The following MAP4K1 variants were observed in gnomAD, a reference collection of about 807,000 sequenced individuals.
MAP4K1 encodes mitogen-activated protein kinase kinase kinase kinase 1.
Under a neutral mutation model 122.8 loss-of-function variants are expected in MAP4K1, and 35 were observed. The ratio of observed to expected loss-of-function variants is 0.29; its 90% CI spans 0.22 to 0.38. MAP4K1 has a LOEUF of 0.38. Among genes scored for constraint, MAP4K1 ranks in the 10% least tolerant of loss-of-function variants. MAP4K1 has a pLI of 1.00. For synonymous variants in MAP4K1, 412 were observed against 421.3 expected (o/e 0.98, Z 0.27); for missense variants, 791 against 1,072.6 (o/e 0.74, Z 3.67).
intron 16 of MAP4K1, 90 bp downstream of exon 16, chr19:38,607,774 T>C (rs1975372602): frequency 2.2e-6 from 3 of 1,387,218 alleles, no homozygotes; most frequent in South Asian, 2.5e-5. Context: ...TGCAGCGGGG[T>C]CAGGAGTGGA....
intron 22 of MAP4K1, among the ~76,000 whole-genome samples, chr19:38,598,179 C>T (rs1000063226): frequency 4.0e-5 from 6 of 151,122 alleles, no homozygotes; most frequent in African/African-American, 9.7e-5. Flanking sequence ...TAGAGGTATG[C>T]GCCACCATGC....
intron 19 of MAP4K1, among the ~76,000 whole-genome samples, chr19:38,603,093 TATAC>T (rs1975179585): frequency 7.0e-6 from 1 of 142,864 alleles, no homozygotes; most frequent in African/African-American, 2.6e-5. Flanking sequence ...CATGTACATA[TATAC>T]ACATGTACAT....
At chr19:38,598,784 C>T (rs1194790948) in intron 22 of MAP4K1, among the ~76,000 whole-genome samples, 2 of 151,860 alleles carry the variant, frequency 1.3e-5, no homozygotes, top group Non-Finnish European at 1.5e-5. Context: ...GGGGCTGAGA[C>T]GAGTGGATCA....
intron 29 of MAP4K1, among the ~76,000 whole-genome samples, chr19:38,593,710 A>G (rs754602222): frequency 1.3e-5 from 2 of 152,150 alleles, no homozygotes; most frequent in Non-Finnish European, 2.9e-5. Context: ...TAATTTTTGT[A>G]TTTCTACTGA....
chr19:38,590,338 C>T (rs557446528), intron 30 of MAP4K1, among the ~76,000 whole-genome samples: 13 of 100,394 alleles, frequency 1.3e-4, no homozygotes, highest in South Asian at 3.1e-4. Context: ...TATAAAGAAA[C>T]ATGGCTCCTA....
At chr19:38,607,414 G>A (rs972325133) in intron 16 of MAP4K1, among the ~76,000 whole-genome samples, 5 of 152,012 alleles carry the variant, frequency 3.3e-5, no homozygotes, top group African/African-American at 1.2e-4. Flanking sequence ...CAAAAAATTA[G>A]CTGGGCATGG....
intron 16 of MAP4K1, among the ~76,000 whole-genome samples, chr19:38,607,040 A>G (rs1411190227): frequency 6.6e-6 from 1 of 152,072 alleles, no homozygotes; most frequent in Non-Finnish European, 1.5e-5. Context: ...AAAGATAGGA[A>G]AAGCTGAGGG....
In MAP4K1 at chr19:38,617,272, AACTGAGG is replaced by A; in HGVS notation, c.248+75_248+81del. 1.1e-6 allele frequency: 1 copy of A among 909,636 alleles called. No homozygotes were observed. The allele number at this position is 909,636 out of a possible 1,614,324, so 56.3% of individuals were successfully genotyped here. The stretch of plus-strand genomic sequence containing the variant: ...AAAGAAAAAGAAAAGAAAAAAAAAG[AACTGAGG>A]GTACCCCCATCAAGAAATGGGGACT... On this transcript the variant is annotated intron_variant, in intron 3 of 30. Coordinates refer to ENST00000396857, the MANE Select transcript of MAP4K1 (RefSeq NM_001042600.3). The surrounding 1 kb of genome is among the most constrained non-coding windows in gnomAD (Gnocchi z 4.1).
chr19:38,603,244 A>G (rs1410546188), intron 19 of MAP4K1, among the ~76,000 whole-genome samples: 1 of 150,460 alleles, frequency 6.6e-6, no homozygotes. Flanking sequence ...ATATATATAC[A>G]CATGTACATA....
chr19:38,604,253 A>T (rs10445564), intron 19 of MAP4K1, among the ~76,000 whole-genome samples: 3 of 151,972 alleles, frequency 2.0e-5, no homozygotes, highest in African/African-American at 7.2e-5. Context: ...GGCATTATGC[A>T]TGTACGTAAA....
rs1974561244 is a variant in MAP4K1, at chr19:38,587,700, T to C, written c.*48A>G. 2 of 1,382,258 alleles carry C rather than the reference T, an allele frequency of 1.4e-6. No individual in the cohort carries two copies. Among genetic ancestry groups the C allele is most frequent in the Non-Finnish European group, 2.1e-6 (2 of 969,452 alleles). 85.6% of individuals were successfully genotyped at this position (1,382,258 alleles called of 1,614,324 possible). On this transcript the variant is annotated 3_prime_UTR_variant, in exon 31 of 31. Coordinates refer to ENST00000396857, the MANE Select transcript of MAP4K1 (RefSeq NM_001042600.3). ...GACATGCCATGACCACTAGTGTGTCTATGGGGGAGGGGGTGCAAGGACTAG... is the reference window on the plus strand; with the variant it reads ...GACATGCCATGACCACTAGTGTGTCCATGGGGGAGGGGGTGCAAGGACTAG...
intron 9 of MAP4K1, among the ~76,000 whole-genome samples, chr19:38,611,999 G>T (rs1470389637): frequency 6.6e-6 from 1 of 151,704 alleles, no homozygotes; most frequent in Non-Finnish European, 1.5e-5. Context: ...TTGGGAGGTT[G>T]AGGTGGTAGA....
At chr19:38,606,727 T>C (rs1975339937) in intron 16 of MAP4K1, among the ~76,000 whole-genome samples, 1 of 152,102 alleles carries the variant, frequency 6.6e-6, no homozygotes, top group South Asian at 2.1e-4. Context: ...AAAAAAAGAC[T>C]AATAACAGTA....
intron 30 of MAP4K1, chr19:38,592,525 A>C (rs1179580411): frequency 6.6e-6 from 1 of 151,774 alleles, no homozygotes; most frequent in Admixed American, 6.6e-5. Context: ...CAGTGAGCTG[A>C]GATTGTGCCA....
chr19:38,614,001 C>A (rs1235839255), intron 7 of MAP4K1, 42 bp downstream of exon 7: 1 of 1,606,830 alleles, frequency 6.2e-7, no homozygotes, highest in South Asian at 1.1e-5. Flanking sequence ...GCGCTTCCGG[C>A]CCCCCAGTCA....
chr19:38,595,119 T>C (rs1347553777), intron 29 of MAP4K1, among the ~76,000 whole-genome samples: 1 of 151,568 alleles, frequency 6.6e-6, no homozygotes, highest in East Asian at 1.9e-4. Context: ...TGAAACCCCG[T>C]CTCTACTGAA....
At chr19:38,604,714 T>C (rs1461680996) in intron 19 of MAP4K1, among the ~76,000 whole-genome samples, 29 of 148,482 alleles carry the variant, frequency 2.0e-4, no homozygotes, top group South Asian at 2.1e-4. Flanking sequence ...GGTGTGAACC[T>C]GGGAGGCGGA....
chr19:38,596,310 A>G lies in MAP4K1; in HGVS notation c.2116+2T>C. ...CCCTCAGCAAGACTCCGCCCCACTC[A>G]CCGGTGCTCATCTCGCCCAGCCAGC... On this transcript the variant is annotated splice_donor_variant, in intron 26 of 30. Coordinates refer to ENST00000396857, the MANE Select transcript of MAP4K1 (RefSeq NM_001042600.3). LOFTEE classifies it high-confidence loss of function. The G allele has an allele frequency of 6.4e-7, 1 of 1,564,398 alleles. No homozygotes were observed. The highest frequency in any genetic ancestry group is 8.7e-7 in the Non-Finnish European group (1 of 1,153,614).
intron 13 of MAP4K1, among the ~76,000 whole-genome samples, chr19:38,608,811 A>C (rs1056889844): frequency 2.1e-5 from 3 of 146,038 alleles, no homozygotes; most frequent in Non-Finnish European, 4.5e-5. Flanking sequence ...AAAAAAAAAA[A>C]AAAAAAAAAA....
Sources: gnomAD v4.1 joint callset for allele counts (sites outside exome capture counted in the v4.1 genomes callset) on GRCh38, gnomAD v4.1.1 for gene constraint, Gnocchi (gnomAD v3.1) non-coding constraint, MANE v1.5 for transcripts, NCBI Gene and HGNC (gene_info 2026-07-23, HGNC 2026-07-21) for gene names.